The following FARP2 variants were observed in gnomAD, a reference collection of about 807,000 sequenced individuals.
FARP2 encodes the protein FERM, ARHGEF and pleckstrin domain-containing protein 2.
In FARP2, 111 loss-of-function variants were observed where a neutral mutation model predicts 130.5. The observed-to-expected ratio is 0.85, with a 90% CI of 0.73 to 1.00. FARP2 has a LOEUF of 1.00. FARP2 is among the 50% of genes least tolerant of loss of function. FARP2 has a pLI of 0.00. For missense variants in FARP2, 1,385 were observed against 1,346.3 expected, an observed-to-expected ratio of 1.03 and a Z score of -0.45; for synonymous variants, 504 against 516.9, an observed-to-expected ratio of 0.98 and a Z score of 0.34.
At chr2:241,378,112 T>A (rs1331016227) in intron 2 of FARP2, among the ~76,000 whole-genome samples, 2 of 152,058 alleles carry the variant, frequency 1.3e-5, no homozygotes, top group Non-Finnish European at 2.9e-5. Context: ...TTTTATTATT[T>A]TTTTTTTGAG....
At chr2:241,464,505 G>T (rs534372765) in intron 17 of FARP2, among the ~76,000 whole-genome samples, 1 of 150,570 alleles carries the variant, frequency 6.6e-6, no homozygotes, top group Non-Finnish European at 1.5e-5. Context: ...CTCAGAACAG[G>T]TTCCTACTCA....
At chr2:241,413,857 G>A (rs977915115) in intron 7 of FARP2, among the ~76,000 whole-genome samples, 14 of 151,690 alleles carry the variant, frequency 9.2e-5, no homozygotes, top group African/African-American at 3.4e-4. Flanking sequence ...CAGGAGAATC[G>A]CTTGAACCCA....
At chr2:241,420,643 C>T (rs1199939948) in intron 8 of FARP2, among the ~76,000 whole-genome samples, 1 of 152,202 alleles carries the variant, frequency 6.6e-6, no homozygotes, top group African/African-American at 2.4e-5. Context: ...CAGTCCATCC[C>T]CACCCCATGT....
At chr2:241,410,461 C>T (rs1268032582) in intron 5 of FARP2, among the ~76,000 whole-genome samples, 1 of 143,426 alleles carries the variant, frequency 7.0e-6, no homozygotes, top group Non-Finnish European at 1.5e-5. Flanking sequence ...GACAGAGTTT[C>T]GCTCTTGTTG....
chr2:241,387,620 C>T (rs1281525884), intron 2 of FARP2, among the ~76,000 whole-genome samples: 1 of 151,758 alleles, frequency 6.6e-6, no homozygotes, highest in Non-Finnish European at 1.5e-5. Flanking sequence ...GGTGAAACCC[C>T]GTCTCTACTA....
At position 241,373,254 on chromosome 2, in the gene FARP2, G is replaced by A. The variant is rs1328591868; in HGVS notation, c.147G>A (p.Lys49=). Reference sequence around the variant, plus strand: ...AGAAGCACCTGCACCTCAGAGTAAAGCTGCTGGACAACACCATGGAAATAT... The same window carrying A: ...AGAAGCACCTGCACCTCAGAGTAAAACTGCTGGACAACACCATGGAAATAT... ...MQEKHLHLRV[K]LLDNTMEIFD... Residue 49 remains lysine, a synonymous_variant, in exon 2 of 27, where the codon AAG becomes AAA. Transcript: ENST00000264042. 2 of 1,527,698 alleles carry A rather than the reference G, an allele frequency of 1.3e-6. No homozygotes were observed. The highest frequency in any genetic ancestry group is 1.4e-5 in the African/African-American group (1 of 71,864). The allele number at this position is 1,527,698 out of a possible 1,614,324, so 94.6% of individuals were successfully genotyped here. A position where few individuals can be genotyped will look rare whatever the true frequency, so the allele number is the denominator to read the frequency against.
At chr2:241,382,077 A>G (rs897517818) in intron 2 of FARP2, among the ~76,000 whole-genome samples, 8 of 152,212 alleles carry the variant, frequency 5.3e-5, no homozygotes, top group African/African-American at 1.2e-4. Flanking sequence ...AGCCAAAGAT[A>G]ACTACCCAGA....
At chr2:241,384,087 G>A (rs1357338739) in intron 2 of FARP2, among the ~76,000 whole-genome samples, 1 of 150,494 alleles carries the variant, frequency 6.6e-6, no homozygotes, top group African/African-American at 2.4e-5. Context: ...CTGACACTTG[G>A]CATTCACCAT....
At chr2:241,367,871 A>ATTTTTTTTTTAATTT (rs1291663089) in intron 1 of FARP2, among the ~76,000 whole-genome samples, 40 of 148,270 alleles carry the variant, frequency 2.7e-4, no homozygotes, top group African/African-American at 9.8e-4. Context: ...GTTCCTTGGC[A>ATTTTTTTTTTAATTT]GGCCTTTTTT....
intron 13 of FARP2, among the ~76,000 whole-genome samples, chr2:241,449,094 C>T (rs16843683): frequency 0.012 from 1,885 of 152,300 alleles, 29 homozygotes; most frequent in African/African-American, 0.028. Context: ...AAATAATTTT[C>T]GGCTAACTCA....
At chr2:241,375,790 G>A (rs544403361) in intron 2 of FARP2, among the ~76,000 whole-genome samples, 4 of 151,708 alleles carry the variant, frequency 2.6e-5, no homozygotes, top group Non-Finnish European at 5.9e-5. Flanking sequence ...ACAGGATCTT[G>A]CTATGTTCCC....
chr2:241,402,980 C>G (rs999974638), intron 2 of FARP2, among the ~76,000 whole-genome samples: 24 of 136,126 alleles, frequency 1.8e-4, no homozygotes, highest in Admixed American at 6.8e-4. Context: ...ATTCTCCTGC[C>G]TCAGCCCCAC....
intron 2 of FARP2, chr2:241,395,463 G>C (rs2062008066): frequency 6.6e-6 from 1 of 152,104 alleles, no homozygotes; most frequent in Non-Finnish European, 1.5e-5. Context: ...TAACAGGTCA[G>C]CCTCTTCCCA....
intron 8 of FARP2, among the ~76,000 whole-genome samples, chr2:241,428,847 T>C (rs1193580082): frequency 6.6e-6 from 1 of 152,196 alleles, no homozygotes; most frequent in Non-Finnish European, 1.5e-5. Flanking sequence ...CCCATCAGGA[T>C]ATTCCCTCTC....
intron 14 of FARP2, among the ~76,000 whole-genome samples, chr2:241,457,825 G>A (rs2063901215): frequency 6.6e-6 from 1 of 152,188 alleles, no homozygotes; most frequent in Non-Finnish European, 1.5e-5. Flanking sequence ...TCTTGGGCGG[G>A]AGACCCCGTG....
intron 1 of FARP2, among the ~76,000 whole-genome samples, chr2:241,366,249 C>CT: frequency 6.6e-6 from 1 of 151,010 alleles, no homozygotes; most frequent in Non-Finnish European, 1.5e-5. Flanking sequence ...ACAGATCTTG[C>CT]TTTTTTCTGT....
At chr2:241,451,713 G>A (rs2063662843) in intron 13 of FARP2, among the ~76,000 whole-genome samples, 1 of 152,026 alleles carries the variant, frequency 6.6e-6, no homozygotes, top group African/African-American at 2.4e-5. Context: ...CATATTCTGT[G>A]GCACCTAAAA....
intron 13 of FARP2, among the ~76,000 whole-genome samples, chr2:241,453,811 C>T (rs2063759646): frequency 3.0e-5 from 3 of 99,822 alleles, no homozygotes; most frequent in South Asian, 7.9e-4. Flanking sequence ...TGAGATGGGG[C>T]CTTCCTCTGT....
At chr2:241,487,574 C>G (rs1574913090) in intron 21 of FARP2, among the ~76,000 whole-genome samples, 2 of 106,418 alleles carry the variant, frequency 1.9e-5, no homozygotes. Context: ...AGGCTAAGCA[C>G]AAGAATCACT....
Sources: gnomAD v4.1 joint callset for allele counts (sites outside exome capture counted in the v4.1 genomes callset) on GRCh38, gnomAD v4.1.1 for gene constraint, MANE v1.5 for transcripts, NCBI Gene and HGNC (gene_info 2026-07-23, HGNC 2026-07-21) for gene names.